Variants in IGBP1 observed in about 807,000 individuals in gnomAD.
IGBP1 encodes immunoglobulin-binding protein 1.
A neutral mutation model predicts 25.9 loss-of-function variants in IGBP1; 2 were observed. The observed-to-expected ratio is 0.08, with a 90% CI of 0.03 to 0.24. The LOEUF (loss-of-function observed/expected upper bound fraction) is 0.24. Among genes scored for constraint, IGBP1 ranks in the 10% least tolerant of loss-of-function variants. The probability of loss-of-function intolerance (pLI) is 1.00; values close to 1 mark genes in which losing one functional copy is unlikely to be tolerated. For missense variants in IGBP1, 187 were observed against 260.4 expected (o/e 0.72, Z 1.94); for synonymous variants, 96 against 93.4 (o/e 1.03, Z -0.16).
intron 6 of IGBP1, among the ~76,000 whole-genome samples, chrX:70,154,738 T>TAAAAAAAAAAAAAAAAAAAAAAAAAA (rs2085228211): frequency 4.4e-5 from 1 of 22,627 alleles, no homozygotes; most frequent in African/African-American, 1.4e-4. Context: ...AAAAAAAAAG[T>TAAAAAAAAAAAAAAAAAAAAAAAAAA]TTTAAAAAAC....
chrX:70,148,642 A>G, intron 4 of IGBP1, 119 bp from the exon 5 acceptor site: 2 of 538,859 alleles, frequency 3.7e-6, no homozygotes, highest in Non-Finnish European at 6.6e-6. Flanking sequence ...AGAGACTGAT[A>G]AATAGAAAGT....
chrX:70,147,225 G>T (rs901820790), intron 4 of IGBP1, among the ~76,000 whole-genome samples: 2 of 111,055 alleles, frequency 1.8e-5, no homozygotes, highest in African/African-American at 6.6e-5. Context: ...CTTGAGGCCC[G>T]GAGTTTGAGA....
chrX:70,136,784 G>C (rs526053), intron 3 of IGBP1, among the ~76,000 whole-genome samples: 2 of 107,233 alleles, frequency 1.9e-5, no homozygotes, highest in African/African-American at 6.8e-5. Flanking sequence ...ATCTTGGCTC[G>C]CTGCAACCTC....
At position 70,134,079 on chromosome X, in the gene IGBP1, G is replaced by T; in HGVS notation, c.132G>T (p.Lys44Asn). 1 of 1,212,046 alleles carries T rather than the reference G, an allele frequency of 8.3e-7. No individual in the cohort carries two copies. The highest frequency in any genetic ancestry group is 1.1e-6 in the Non-Finnish European group (1 of 895,379). Residue 44 changes from lysine to asparagine, a missense_variant, in exon 2 of 7, where the codon AAG becomes AAT. By Grantham distance (94) the Lys-to-Asn change is moderately conservative (BLOSUM62 0). Coordinates refer to ENST00000356413, the MANE Select transcript of IGBP1 (RefSeq NM_001551.3). ...GGATAGTCCAGGAGAAGGTGTTCAA[G>T]GGCTTGGACCTCCTTGAGAAGGCTG... is the stretch of plus-strand genomic sequence containing the variant. Reference protein sequence around the residue: ...GSRIVQEKVFKGLDLLEKAAE... With the variant: ...GSRIVQEKVFNGLDLLEKAAE...
intron 3 of IGBP1, among the ~76,000 whole-genome samples, chrX:70,144,258 C>A (rs191791007): frequency 1.8e-5 from 2 of 112,160 alleles, no homozygotes; most frequent in African/African-American, 6.5e-5. Context: ...AAGGAAGGAG[C>A]AGAGTGCAGT....
intron 5 of IGBP1, 93 bp from the exon 6 acceptor site, chrX:70,150,117 T>C: frequency 1.8e-6 from 1 of 547,109 alleles, no homozygotes; most frequent in South Asian, 2.4e-5. Context: ...ACACAGACTT[T>C]GTTGTTAGAG....
chrX:70,162,504 T>A (rs1208867108), intron 6 of IGBP1, among the ~76,000 whole-genome samples: 1 of 111,654 alleles, frequency 9.0e-6, no homozygotes, highest in Admixed American at 9.5e-5. Flanking sequence ...TGCACTTTAG[T>A]TGTTAATAAT....
rs1217897448 is a variant in IGBP1, at chrX:70,134,743, C to G, written c.409C>G (p.His137Asp). 2.5e-6 allele frequency: 3 copies of G among 1,211,478 alleles called. No homozygotes were observed. The East Asian group carries it at 8.9e-5, about 36-fold the overall frequency. ...AACCATGAACAACTCTGCTGAAAAT[C>G]ACACTGCCAATTCCTCCATGGCTTA... ...PKTMNNSAENHTANSSMAYPS... is the reference protein window; with the variant it reads ...PKTMNNSAENDTANSSMAYPS... Residue 137 changes from histidine (H) to aspartate (D), a missense_variant, in exon 3 of 7, where the codon CAC (histidine) becomes GAC (aspartate). Coordinates refer to ENST00000356413, the MANE Select transcript of IGBP1 (RefSeq NM_001551.3).
chrX:70,162,335 A>C (rs1164737280), intron 6 of IGBP1, among the ~76,000 whole-genome samples: 2 of 112,171 alleles, frequency 1.8e-5, no homozygotes, highest in Non-Finnish European at 3.8e-5. Context: ...GTACTCTTCA[A>C]AACTGTCCAG....
intron 3 of IGBP1, among the ~76,000 whole-genome samples, chrX:70,141,783 C>T (rs1189224335): frequency 1.8e-5 from 2 of 111,496 alleles, no homozygotes; most frequent in African/African-American, 3.3e-5. Context: ...AGCAACCCCC[C>T]ACCAGCCTCA....
At chrX:70,139,647 C>T (rs775303031) in intron 3 of IGBP1, among the ~76,000 whole-genome samples, 2 of 111,699 alleles carry the variant, frequency 1.8e-5, no homozygotes, top group African/African-American at 6.5e-5. Flanking sequence ...GTTTTTAAAC[C>T]AGAAACCTAG....
At chrX:70,155,494 C>CAAAA (rs57946963) in intron 6 of IGBP1, among the ~76,000 whole-genome samples, 8 of 36,545 alleles carry the variant, frequency 2.2e-4, no homozygotes, top group Non-Finnish European at 2.7e-4. Flanking sequence ...GACTCTGTCT[C>CAAAA]AAAAAAAAAA....
At chrX:70,144,265 C>T (rs968542838) in intron 3 of IGBP1, among the ~76,000 whole-genome samples, 8 of 112,111 alleles carry the variant, frequency 7.1e-5, no homozygotes, top group African/African-American at 2.3e-4. Flanking sequence ...GAGCAGAGTG[C>T]AGTAGTTAGG....
At chrX:70,142,192 G>C (rs1268379261) in intron 3 of IGBP1, among the ~76,000 whole-genome samples, 1 of 111,280 alleles carries the variant, frequency 9.0e-6, no homozygotes, top group African/African-American at 3.3e-5. Context: ...AATTAGCTGG[G>C]TGGTGGTGCA....
In IGBP1 at chrX:70,142,816, CA is replaced by C. The variant is rs769333295; in HGVS notation, c.483-3809del. 2.5e-3 allele frequency among the ~76,000 whole-genome samples: 260 copies of C among 103,323 alleles called. 2 individuals carry two copies. The highest frequency in any genetic ancestry group is 6.5e-3 in the African/African-American group (183 of 28,064). 89.7% of individuals were successfully genotyped at this position (103,323 alleles called of 115,157 possible). On this transcript the variant is annotated intron_variant, in intron 3 of 6. Transcript: ENST00000356413. ...CCTGCGCAACGAAGTGAGACCAAAA[CA>C]AAAAAAACACAAAGATATTACCTTG...
Position 70,165,851 on chromosome X carries a change from C to T in IGBP1, c.890C>T (p.Ala297Val), listed in dbSNP as rs1443485252. The T allele has an allele frequency of 8.3e-7, 1 of 1,205,481 alleles. No individual in the cohort carries two copies. The highest frequency in any genetic ancestry group is 1.1e-6 in the Non-Finnish European group (1 of 892,907). ...ACTTTAGAGGAATTCAGAAAAGCAG[C>T]TCAGCAACAGGAAGAACAAGAAGAA... is the stretch of plus-strand genomic sequence containing the variant. ...KAAPEEFRKA[A>V]QQQEEQEEKE... Residue 297 changes from alanine to valine, a missense_variant, in exon 7 of 7, where the codon GCT (alanine) becomes GTT (valine). Physicochemically the swap from Ala to Val is moderately conservative, Grantham distance 64 (BLOSUM62 0). Transcript: ENST00000356413.
At chrX:70,137,903 C>T (rs1196763592) in intron 3 of IGBP1, among the ~76,000 whole-genome samples, 5 of 106,235 alleles carry the variant, frequency 4.7e-5, no homozygotes, top group African/African-American at 1.7e-4. Context: ...GAGGCTGAGG[C>T]AGGTGGATCC....
chrX:70,145,556 C>A (rs1380871750), intron 3 of IGBP1, among the ~76,000 whole-genome samples: 1 of 111,466 alleles, frequency 9.0e-6, no homozygotes, highest in Non-Finnish European at 1.9e-5. Flanking sequence ...CAGTGGCTTT[C>A]CCATTCAAAA....
intron 3 of IGBP1, among the ~76,000 whole-genome samples, chrX:70,139,829 T>C (rs1204416948): frequency 8.9e-6 from 1 of 111,807 alleles, no homozygotes. Context: ...ACAAATCAGC[T>C]CCAAGGCCTT....
Sources: gnomAD v4.1 joint callset for allele counts (sites outside exome capture counted in the v4.1 genomes callset) on GRCh38, gnomAD v4.1.1 for gene constraint, MANE v1.5 for transcripts, NCBI Gene and HGNC (gene_info 2026-07-23, HGNC 2026-07-21) for gene names.